FNIP2: variants seen among roughly 807,000 people sequenced by gnomAD.
FNIP2 encodes folliculin-interacting protein 2.
In FNIP2, 32 loss-of-function variants were observed where a neutral mutation model predicts 108.7. The ratio of observed to expected loss-of-function variants is 0.29; its 90% CI spans 0.22 to 0.40. The LOEUF is 0.40. Ranked by LOEUF, FNIP2 falls within the 10% of genes least tolerant of loss-of-function variation. FNIP2 has a pLI of 1.00. For synonymous variants in FNIP2, 480 were observed against 496.7 expected (o/e 0.97, Z 0.45); for missense variants, 1,202 against 1,381.6 (o/e 0.87, Z 2.06).
chr4:158,898,843 T>C (rs1782935116), intron 16 of FNIP2, among the ~76,000 whole-genome samples: 1 of 152,240 alleles, frequency 6.6e-6, no homozygotes, highest in Non-Finnish European at 1.5e-5. Flanking sequence ...TCTTGCATGA[T>C]TGTCCTGGCC....
At chr4:158,788,698 A>G (rs1037232099) in intron 1 of FNIP2, among the ~76,000 whole-genome samples, 4 of 152,222 alleles carry the variant, frequency 2.6e-5, no homozygotes, top group African/African-American at 9.6e-5. Context: ...AGTAGGTTCC[A>G]CATAGAAAAG....
intron 14 of FNIP2, among the ~76,000 whole-genome samples, chr4:158,880,360 G>A (rs1270903451): frequency 3.3e-5 from 5 of 152,028 alleles, no homozygotes; most frequent in Non-Finnish European, 7.4e-5. Context: ...ACCAAACACC[G>A]CATGCTCACT....
At chr4:158,876,648 C>G (rs963021311) in intron 14 of FNIP2, among the ~76,000 whole-genome samples, 1 of 152,232 alleles carries the variant, frequency 6.6e-6, no homozygotes, top group East Asian at 1.9e-4. Flanking sequence ...TGCCTTGAAG[C>G]AGAAAGCAGG....
intron 7 of FNIP2, among the ~76,000 whole-genome samples, chr4:158,838,315 A>T (rs996488894): frequency 1.3e-4 from 19 of 149,226 alleles, no homozygotes; most frequent in African/African-American, 4.5e-4. Flanking sequence ...CTGCCTCCCA[A>T]GCTTAAGCCA....
In FNIP2 at chr4:158,859,555, G is replaced by T; in HGVS notation, c.1060-23G>T. ...TTATAAAATTTCTTCTCAGTAATTTGACTTGCTTTCTCTTCAATAAAGGCT... is the reference window on the plus strand; with the variant it reads ...TTATAAAATTTCTTCTCAGTAATTTTACTTGCTTTCTCTTCAATAAAGGCT... On this transcript the variant is annotated intron_variant, in intron 9 of 16. Transcript: ENST00000264433. 1.9e-6 allele frequency: 3 copies of T among 1,593,178 alleles called. No homozygotes were observed. In the South Asian group the frequency reaches 3.4e-5, roughly 18 times the overall value.
At chr4:158,857,765 A>C (rs1423641088) in intron 8 of FNIP2, among the ~76,000 whole-genome samples, 1 of 141,816 alleles carries the variant, frequency 7.1e-6, no homozygotes, top group African/African-American at 2.6e-5. Context: ...CAATGTAGGG[A>C]GACTCCATCT....
At position 158,907,724 on chromosome 4, in the gene FNIP2, TG is replaced by T. The variant is rs1462771185; in HGVS notation, c.*3185del. On this transcript the variant is annotated 3_prime_UTR_variant, in exon 17 of 17. Coordinates refer to ENST00000264433, the MANE Select transcript of FNIP2 (RefSeq NM_020840.3). ...TGAACCATTTGTTTTTTATTGTGCTTGGGGGAGAGGGTATTTTAATATAATT... is the reference window on the plus strand; with the variant it reads ...TGAACCATTTGTTTTTTATTGTGCTTGGGGAGAGGGTATTTTAATATAATT... 1 of 152,216 alleles carries T rather than the reference TG, an allele frequency of 6.6e-6. No homozygotes were observed. Among genetic ancestry groups the T allele is most frequent in the Admixed American group, 6.5e-5 (1 of 15,282 alleles). 9.4% of individuals were successfully genotyped at this position (152,216 alleles called of 1,614,324 possible).
chr4:158,791,870 A>G (rs932309646), intron 1 of FNIP2, among the ~76,000 whole-genome samples: 3 of 152,152 alleles, frequency 2.0e-5, no homozygotes, highest in Admixed American at 6.5e-5. Flanking sequence ...TAGGTAAAAC[A>G]TGGTGGTAGG....
chr4:158,806,639 C>T (rs1176876022), intron 1 of FNIP2, among the ~76,000 whole-genome samples: 1 of 152,218 alleles, frequency 6.6e-6, no homozygotes, highest in Non-Finnish European at 1.5e-5. Context: ...TGTGACTTCA[C>T]TACCCATCTG....
intron 5 of FNIP2, 85 bp downstream of exon 5, chr4:158,832,223 A>AT: frequency 9.2e-7 from 1 of 1,083,784 alleles, no homozygotes; most frequent in Non-Finnish European, 1.4e-6. Context: ...GCCATAAGGC[A>AT]TTTTGAAATG....
chr4:158,906,332 C>T lies in FNIP2; in HGVS notation c.*1788C>T, dbSNP rs1729843251. The T allele has an allele frequency of 6.6e-6, 1 of 152,170 alleles. No homozygotes were observed. The highest frequency in any genetic ancestry group is 2.1e-4 in the South Asian group (1 of 4,824). 9.4% of individuals were successfully genotyped at this position (152,170 alleles called of 1,614,324 possible). A position where few individuals can be genotyped will look rare whatever the true frequency, so the allele number is the denominator to read the frequency against. On this transcript the variant is annotated 3_prime_UTR_variant, in exon 17 of 17. Transcript: ENST00000264433. The stretch of plus-strand genomic sequence containing the variant: ...AGCTTTTACAGTTTAAAGCATTCCC[C>T]TCGTCTCTAGTTCCTTTTTTCTTGT...
intron 8 of FNIP2, 38 bp from the exon 9 acceptor site, chr4:158,859,019 G>T: frequency 6.3e-7 from 1 of 1,588,472 alleles, no homozygotes; most frequent in South Asian, 1.1e-5. Flanking sequence ...GTGACTCACT[G>T]ATGCATGGCA....
chr4:158,834,194 C>G (rs939701609), intron 6 of FNIP2: 8 of 165,146 alleles, frequency 4.8e-5, no homozygotes, highest in African/African-American at 1.7e-4. Flanking sequence ...TGAACTGTTT[C>G]CCTTTGCCTT....
At chr4:158,815,772 A>G (rs910267801) in intron 1 of FNIP2, among the ~76,000 whole-genome samples, 11 of 151,946 alleles carry the variant, frequency 7.2e-5, no homozygotes, top group Admixed American at 5.9e-4. Flanking sequence ...TTTACCTCCA[A>G]TTTTTCCTTT....
chr4:158,824,338 A>G (rs1046000433), intron 1 of FNIP2, among the ~76,000 whole-genome samples: 1 of 152,118 alleles, frequency 6.6e-6, no homozygotes, highest in Non-Finnish European at 1.5e-5. Context: ...GTCTTATTTC[A>G]TTTATATCAT....
At chr4:158,859,283 A>G (rs756439134) in intron 9 of FNIP2, 25 bp downstream of exon 9, 4 of 1,573,982 alleles carry the variant, frequency 2.5e-6, no homozygotes, top group Middle Eastern at 1.9e-4. Flanking sequence ...ATCCAAAGTC[A>G]AATAGAGAAG....
At chr4:158,809,085 CA>C (rs1777129230) in intron 1 of FNIP2, among the ~76,000 whole-genome samples, 1 of 152,104 alleles carries the variant, frequency 6.6e-6, no homozygotes, top group Non-Finnish European at 1.5e-5. Flanking sequence ...CTAGAGTCAA[CA>C]AAAAACTACC....
chr4:158,820,706 G>T (rs1372758457), intron 1 of FNIP2, among the ~76,000 whole-genome samples: 4 of 312 alleles, frequency 0.013, no homozygotes, highest in African/African-American at 0.016. Context: ...CAAGCACCCA[G>T]TGATAACTGT....
intron 10 of FNIP2, among the ~76,000 whole-genome samples, chr4:158,860,060 G>A (rs940468324): frequency 6.6e-6 from 1 of 152,164 alleles, no homozygotes; most frequent in African/African-American, 2.4e-5. Flanking sequence ...TATGCATGTC[G>A]GGAAGACATA....
Sources: allele counts gnomAD v4.1 joint callset (sites outside exome capture counted in the v4.1 genomes callset), GRCh38; gene constraint gnomAD v4.1.1; transcripts MANE v1.5; gene names NCBI Gene and HGNC (gene_info 2026-07-23, HGNC 2026-07-21).